Variants in CLIP1 observed in about 807,000 individuals in gnomAD.
The protein encoded by CLIP1 is CAP-Gly domain containing linker protein 1.
A neutral mutation model predicts 161.6 loss-of-function variants in CLIP1; 66 were observed. The observed-to-expected ratio is 0.41, with a 90% CI of 0.33 to 0.50. The LOEUF is 0.50. Ranked by LOEUF, CLIP1 falls within the 20% of genes least tolerant of loss-of-function variation. The pLI is 0.27. For missense variants in CLIP1, 1,376 were observed against 1,702.0 expected, an observed-to-expected ratio of 0.81 and a Z score of 3.37; for synonymous variants, 598 against 626.2, an observed-to-expected ratio of 0.96 and a Z score of 0.67.
intron 1 of CLIP1, among the ~76,000 whole-genome samples, chr12:122,412,774 T>G (rs543725308): frequency 6.6e-6 from 1 of 152,148 alleles, no homozygotes; most frequent in Admixed American, 6.6e-5. Flanking sequence ...ATTTTATAAT[T>G]TATACAATTA....
At chr12:122,298,467 G>A (rs1235983022) in intron 20 of CLIP1, among the ~76,000 whole-genome samples, 3 of 151,934 alleles carry the variant, frequency 2.0e-5, no homozygotes, top group African/African-American at 7.2e-5. Context: ...AGCTGGGCGT[G>A]GTGGTGGGCG....
intron 1 of CLIP1, among the ~76,000 whole-genome samples, chr12:122,381,166 C>G (rs1954996684): frequency 6.6e-6 from 1 of 152,144 alleles, no homozygotes; most frequent in Non-Finnish European, 1.5e-5. Flanking sequence ...AAAGAGGGTT[C>G]AGAAAAATCT....
At chr12:122,357,339 AAG>A (rs926905159) in intron 5 of CLIP1, among the ~76,000 whole-genome samples, 5 of 149,352 alleles carry the variant, frequency 3.3e-5, no homozygotes, top group African/African-American at 1.2e-4. Flanking sequence ...CCCGTCTGAG[AAG>A]AGAGGAGACC....
chr12:122,412,101 C>T (rs992333150), intron 1 of CLIP1, among the ~76,000 whole-genome samples: 1 of 130,848 alleles, frequency 7.6e-6, no homozygotes. Flanking sequence ...CAGGCTCTCA[C>T]TCTGACACCC....
chr12:122,372,164 T>C (rs1279990683), intron 3 of CLIP1, among the ~76,000 whole-genome samples: 1 of 151,650 alleles, frequency 6.6e-6, no homozygotes, highest in Non-Finnish European at 1.5e-5. Context: ...CTCACACCTG[T>C]AATCCCAATG....
At chr12:122,351,873 G>C (rs1953051793) in intron 8 of CLIP1, among the ~76,000 whole-genome samples, 1 of 152,096 alleles carries the variant, frequency 6.6e-6, no homozygotes, top group East Asian at 1.9e-4. Flanking sequence ...GAAAATCCAT[G>C]AATTCTACAA....
At chr12:122,300,038 G>A (rs1444933290) in intron 20 of CLIP1, among the ~76,000 whole-genome samples, 5 of 152,194 alleles carry the variant, frequency 3.3e-5, no homozygotes, top group African/African-American at 9.7e-5. Flanking sequence ...CCAGAGGATC[G>A]CTTGAGTCCA....
rs372772021 is a variant in CLIP1 at position 122,276,407 on chromosome 12, T to C, written c.3966+1747A>G. 4 of 917,916 alleles carry C rather than the reference T, an allele frequency of 4.4e-6. No individual in the cohort carries two copies. The East Asian group carries it at 4.3e-4, about 99-fold the overall frequency. The allele number at this position is 917,916 out of a possible 1,614,324, so 56.9% of individuals were successfully genotyped here. A position where few individuals can be genotyped will look rare whatever the true frequency, so the allele number is the denominator to read the frequency against. ...CCACACACACACACACACACACACGTGTGCACGCAAATTAGGAAACATGAA... is the reference window on the plus strand; with the variant it reads ...CCACACACACACACACACACACACGCGTGCACGCAAATTAGGAAACATGAA... On this transcript the variant is annotated intron_variant, in intron 24 of 25. Coordinates refer to ENST00000620786, the MANE Select transcript of CLIP1 (RefSeq NM_001247997.2).
At chr12:122,299,347 C>T (rs1347007080) in intron 20 of CLIP1, among the ~76,000 whole-genome samples, 4 of 151,894 alleles carry the variant, frequency 2.6e-5, no homozygotes, top group Non-Finnish European at 5.9e-5. Context: ...AGGTCTCAAA[C>T]AAGAAACTTA....
intron 1 of CLIP1, among the ~76,000 whole-genome samples, chr12:122,383,696 G>A (rs11057832): frequency 0.13 from 19,796 of 152,124 alleles, 1,659 homozygotes; most frequent in East Asian, 0.45. Context: ...TGACTGGCAT[G>A]TCAGGCTTGC....
At chr12:122,334,727 T>C (rs754238672) in intron 12 of CLIP1, 22 bp from the exon 13 acceptor site, 1 of 1,450,546 alleles carries the variant, frequency 6.9e-7, no homozygotes, top group Non-Finnish European at 9.5e-7. Flanking sequence ...GAATGAGAGA[T>C]TCTGAACAGA....
At chr12:122,405,605 A>T (rs1196632560) in intron 1 of CLIP1, among the ~76,000 whole-genome samples, 8 of 146,372 alleles carry the variant, frequency 5.5e-5, no homozygotes, top group East Asian at 2.1e-4. Flanking sequence ...CCTGGCCAAC[A>T]TGGCAAAACC....
intron 20 of CLIP1, among the ~76,000 whole-genome samples, chr12:122,308,648 A>T (rs1397596525): frequency 6.6e-6 from 1 of 152,230 alleles, no homozygotes; most frequent in African/African-American, 2.4e-5. Context: ...TGGGGATAAT[A>T]ATAGTGCTAT....
At chr12:122,298,545 T>C (rs889947886) in intron 20 of CLIP1, among the ~76,000 whole-genome samples, 1 of 145,980 alleles carries the variant, frequency 6.9e-6, no homozygotes, top group African/African-American at 2.6e-5. Context: ...CAGAGGTTGC[T>C]GAGATTATGC....
chr12:122,285,814 A>G (rs1287276587), intron 21 of CLIP1, among the ~76,000 whole-genome samples: 3 of 151,422 alleles, frequency 2.0e-5, no homozygotes, highest in Admixed American at 6.6e-5. Flanking sequence ...AACAAGCCCT[A>G]TTTATTTTTT....
intron 21 of CLIP1, among the ~76,000 whole-genome samples, chr12:122,286,849 T>G (rs1339721723): frequency 2.6e-5 from 4 of 151,814 alleles, no homozygotes; most frequent in Non-Finnish European, 5.9e-5. Flanking sequence ...ATACAAAAAT[T>G]TAGCCGGGTG....
Position 122,365,548 on chromosome 12 carries a change from T to A in CLIP1, c.658-1441A>T, listed in dbSNP as rs535841292. 4 of 1,116,604 alleles carry A rather than the reference T, an allele frequency of 3.6e-6. No individual in the cohort carries two copies. In the African/African-American group the frequency reaches 6.5e-5, roughly 18 times the overall value. The allele number at this position is 1,116,604 out of a possible 1,614,324, so 69.2% of individuals were successfully genotyped here. A position where few individuals can be genotyped will look rare whatever the true frequency, so the allele number is the denominator to read the frequency against. ...GGGTTCAACTCAAGCGCCAGCCTGC[T>A]CCACCCAGAGAAGCACACTTTGTGA... On this transcript the variant is annotated intron_variant, in intron 3 of 25. Transcript: ENST00000620786.
At chr12:122,301,781 C>T (rs1049283783) in intron 20 of CLIP1, among the ~76,000 whole-genome samples, 7 of 152,194 alleles carry the variant, frequency 4.6e-5, no homozygotes, top group African/African-American at 1.2e-4. Context: ...TCCTTGTGTC[C>T]GCTTCTCTTT....
In CLIP1 at chr12:122,361,907, A is replaced by C. The variant is rs115881489; in HGVS notation, c.783-726T>G. Among the ~76,000 whole-genome samples the C allele has an allele frequency of 3.7e-3, 570 of 152,222 alleles. 9 individuals are homozygous for C. The highest frequency in any genetic ancestry group is 0.012 in the African/African-American group (496 of 41,524). Reference sequence around the variant, plus strand: ...CACTACAAAAGAAGTTATTCATATAACCAAACACCATCTGTTCCCCAAAAA... The same window carrying C: ...CACTACAAAAGAAGTTATTCATATACCCAAACACCATCTGTTCCCCAAAAA... On this transcript the variant is annotated intron_variant, in intron 4 of 25. Transcript: ENST00000620786.
Sources: allele counts gnomAD v4.1 joint callset (sites outside exome capture counted in the v4.1 genomes callset), GRCh38; gene constraint gnomAD v4.1.1; transcripts MANE v1.5; gene names NCBI Gene and HGNC (gene_info 2026-07-23, HGNC 2026-07-21).